Variants in NSDHL observed in about 807,000 individuals in gnomAD.
NSDHL encodes the protein NAD(P) dependent 3-beta-hydroxysteroid dehydrogenase NSDHL.
A neutral mutation model predicts 23.0 loss-of-function variants in NSDHL; 1 was observed. The ratio of observed to expected loss-of-function variants is 0.04; its 90% CI spans 0.02 to 0.21. The LOEUF (loss-of-function observed/expected upper bound fraction) is 0.21. NSDHL is among the 10% of genes least tolerant of loss of function. The probability of loss-of-function intolerance (pLI) is 1.00; values close to 1 mark genes in which losing one functional copy is unlikely to be tolerated. For missense variants in NSDHL, 237 were observed against 300.9 expected (o/e 0.79, Z 1.57); for synonymous variants, 128 against 121.1 (o/e 1.06, Z -0.37).
chrX:152,846,113 C>G (rs1238173571), intron 1 of NSDHL, among the ~76,000 whole-genome samples, 169 bp from the exon 2 acceptor site: 3 of 113,062 alleles, frequency 2.7e-5, no homozygotes, highest in African/African-American at 9.6e-5. Context: ...GTGGCAGACA[C>G]CTGTAATCCC....
chrX:152,842,793 C>T (rs1003325575), intron 1 of NSDHL, among the ~76,000 whole-genome samples: 26 of 112,667 alleles, frequency 2.3e-4, no homozygotes, highest in South Asian at 1.5e-3. Context: ...TGATCCACCA[C>T]GCCCAGCCTG....
chrX:152,858,021 C>G (rs185028022), intron 3 of NSDHL, among the ~76,000 whole-genome samples: 9 of 112,581 alleles, frequency 8.0e-5, no homozygotes, highest in African/African-American at 2.6e-4. Flanking sequence ...CATTTAGTAG[C>G]TCCAGTCTTT....
intron 1 of NSDHL, among the ~76,000 whole-genome samples, chrX:152,834,839 T>G (rs1258861382): frequency 8.9e-6 from 1 of 112,501 alleles, no homozygotes; most frequent in Non-Finnish European, 1.9e-5. Flanking sequence ...ATAGCCAAAC[T>G]CTACTGAGGT....
At chrX:152,848,991 G>T (rs782162292) in intron 2 of NSDHL, among the ~76,000 whole-genome samples, 1 of 112,161 alleles carries the variant, frequency 8.9e-6, no homozygotes, top group African/African-American at 3.2e-5. Context: ...AGTTAGTTTT[G>T]GGTGGTAGAA....
chrX:152,859,029 G>A (rs782503759), intron 4 of NSDHL, 113 bp downstream of exon 4: 2 of 592,555 alleles, frequency 3.4e-6, no homozygotes, highest in East Asian at 6.8e-5. Context: ...GCTTCTTAAA[G>A]TGTTGGGAAG....
intron 2 of NSDHL, among the ~76,000 whole-genome samples, chrX:152,849,717 G>A (rs782079852): frequency 1.1e-4 from 12 of 112,638 alleles, no homozygotes; most frequent in African/African-American, 3.9e-4. Flanking sequence ...GGGGTTGGGC[G>A]ATGAGCCCAG....
Position 152,858,761 on chromosome X carries a change from C to CT in NSDHL, c.268-5dup. ...GGAATGATTATTTTGTCTTTCTTTGCTTTTCCAGGATCTGTACCCAGCTCT... is the reference window on the plus strand; with the variant it reads ...GGAATGATTATTTTGTCTTTCTTTGCTTTTTCCAGGATCTGTACCCAGCTCT... On this transcript the variant is annotated splice_polypyrimidine_tract_variant and intron_variant, in intron 3 of 7. Transcript: ENST00000370274. The CT allele has an allele frequency of 1.7e-6, 2 of 1,209,740 alleles. No homozygotes were observed. The highest frequency in any genetic ancestry group is 5.9e-5 in the East Asian group (2 of 33,853).
intron 3 of NSDHL, among the ~76,000 whole-genome samples, chrX:152,857,512 A>G (rs1474186604): frequency 1.8e-5 from 2 of 112,066 alleles, no homozygotes; most frequent in Admixed American, 1.9e-4. Context: ...CAGTCTATAA[A>G]ATAACCCAAA....
intron 6 of NSDHL, among the ~76,000 whole-genome samples, chrX:152,867,370 A>G (rs1298610666): frequency 8.9e-6 from 1 of 112,124 alleles, no homozygotes; most frequent in Non-Finnish European, 1.9e-5. Context: ...AGATTCCACT[A>G]ACCCTGAAGA....
chrX:152,855,816 AG>A (rs1933436424), intron 3 of NSDHL, among the ~76,000 whole-genome samples: 1 of 112,448 alleles, frequency 8.9e-6, no homozygotes, highest in Non-Finnish European at 1.9e-5. Flanking sequence ...CAAATATTTC[AG>A]TATTTGTCTC....
intron 5 of NSDHL, 31 bp from the exon 6 acceptor site, chrX:152,865,788 T>C (rs1556848004): frequency 1.7e-6 from 2 of 1,211,745 alleles, no homozygotes; most frequent in East Asian, 3.0e-5. Context: ...GAATTTGCAA[T>C]GGACGTGCCC....
chrX:152,869,314 T>C lies in NSDHL; in HGVS notation c.*198T>C. Reference sequence around the variant, plus strand: ...ATTTCTTCCTTCATGGAACTGGATTTGGATTTCTTGAAGCAGGCAGCTTCA... The same window carrying C: ...ATTTCTTCCTTCATGGAACTGGATTCGGATTTCTTGAAGCAGGCAGCTTCA... On this transcript the variant is annotated 3_prime_UTR_variant, in exon 8 of 8. Coordinates refer to ENST00000370274, the MANE Select transcript of NSDHL (RefSeq NM_015922.3). The C allele has an allele frequency of 2.1e-6, 1 of 471,049 alleles. No homozygotes were observed. The highest frequency in any genetic ancestry group is 3.8e-6 in the Non-Finnish European group (1 of 263,516). The allele number at this position is 471,049 out of a possible 1,213,427, so 38.8% of individuals were successfully genotyped here.
chrX:152,859,014 G>A, intron 4 of NSDHL, 98 bp downstream of exon 4: 1 of 729,019 alleles, frequency 1.4e-6, no homozygotes, highest in South Asian at 2.6e-5. Context: ...GGCCTAGGCG[G>A]GGTTGCTTCT....
intron 2 of NSDHL, among the ~76,000 whole-genome samples, chrX:152,849,154 C>G (rs1401941490): frequency 1.8e-5 from 2 of 112,145 alleles, no homozygotes; most frequent in African/African-American, 6.5e-5. Flanking sequence ...GAGAGGATGT[C>G]TGGCCCTGGC....
chrX:152,834,267 G>A (rs1366000629), intron 1 of NSDHL, among the ~76,000 whole-genome samples: 2 of 113,028 alleles, frequency 1.8e-5, no homozygotes, highest in Non-Finnish European at 3.7e-5. Context: ...AGAGGAGAGA[G>A]AAGGTATTCC....
chrX:152,862,225 C>T (rs1933540209), intron 4 of NSDHL, among the ~76,000 whole-genome samples: 1 of 112,320 alleles, frequency 8.9e-6, no homozygotes, highest in Admixed American at 9.4e-5. Flanking sequence ...TAGAAGTTTG[C>T]GGGCTGCCCT....
chrX:152,837,983 T>C (rs1356664404), intron 1 of NSDHL, among the ~76,000 whole-genome samples: 2 of 112,026 alleles, frequency 1.8e-5, no homozygotes, highest in African/African-American at 3.2e-5. Flanking sequence ...AGCCTGTTAT[T>C]GGTCTGTTCA....
intron 1 of NSDHL, among the ~76,000 whole-genome samples, chrX:152,841,486 T>G (rs1308403781): frequency 4.4e-5 from 5 of 112,667 alleles, no homozygotes; most frequent in Non-Finnish European, 5.6e-5. Context: ...TAGCCTTATT[T>G]TGCTGTGGCA....
chrX:152,851,184 C>T lies in NSDHL; in HGVS notation c.267+761C>T, dbSNP rs991428828. Among the ~76,000 whole-genome samples, 5 of 112,171 alleles carry T rather than the reference C, an allele frequency of 4.5e-5. No individual in the cohort carries two copies. In the Admixed American group the frequency reaches 4.7e-4, roughly 11 times the overall value. ...TCCATATCCACAATGTGGCACAAGC[C>T]CCATTGCTTCACATCTTTGCCAACA... On this transcript the variant is annotated intron_variant, in intron 3 of 7. Transcript: ENST00000370274.
Sources: gnomAD v4.1 joint callset for allele counts (sites outside exome capture counted in the v4.1 genomes callset) on GRCh38, gnomAD v4.1.1 for gene constraint, MANE v1.5 for transcripts, NCBI Gene and HGNC (gene_info 2026-07-23, HGNC 2026-07-21) for gene names.